LRRC4C: variants seen among roughly 807,000 people sequenced by gnomAD.
The protein encoded by LRRC4C is leucine-rich repeat-containing protein 4C.
A neutral mutation model predicts 33.6 loss-of-function variants in LRRC4C; 5 were observed. The observed-to-expected ratio is 0.15, with a 90% confidence interval of 0.08 to 0.31. The LOEUF (loss-of-function observed/expected upper bound fraction) is 0.31, where lower values mean the gene tolerates loss of function less well. LRRC4C is among the 10% of genes least tolerant of loss of function. The pLI is 1.00. For missense variants in LRRC4C, 560 were observed against 796.7 expected (o/e 0.70, Z 3.58); for synonymous variants, 329 against 302.0 (o/e 1.09, Z -0.93).
chr11:40,821,311 G>A (rs1257021088), intron 2 of LRRC4C, among the ~76,000 whole-genome samples: 2 of 151,480 alleles, frequency 1.3e-5, no homozygotes, highest in African/African-American at 4.8e-5. Flanking sequence ...AAATTTATAT[G>A]AAAATGAAAA....
chr11:40,372,389 C>T (rs781756485), intron 3 of LRRC4C, among the ~76,000 whole-genome samples: 13 of 152,140 alleles, frequency 8.5e-5, no homozygotes, highest in Non-Finnish European at 1.8e-4. Flanking sequence ...CAGAGAAGTA[C>T]ACAAACCTTC....
intron 4 of LRRC4C, among the ~76,000 whole-genome samples, chr11:40,287,013 T>G (rs1458816132): frequency 2.0e-5 from 3 of 152,180 alleles, no homozygotes; most frequent in Non-Finnish European, 4.4e-5. Flanking sequence ...TTTTTAATTT[T>G]GGGAATACTA....
chr11:40,337,769 C>A (rs531743965), intron 3 of LRRC4C, among the ~76,000 whole-genome samples: 2 of 152,242 alleles, frequency 1.3e-5, no homozygotes, highest in African/African-American at 2.4e-5. Flanking sequence ...CAGATTATTT[C>A]ATCACCAGGG....
At chr11:41,193,603 T>A (rs183453318) in intron 1 of LRRC4C, among the ~76,000 whole-genome samples, 34 of 152,182 alleles carry the variant, frequency 2.2e-4, no homozygotes, top group African/African-American at 7.9e-4. Flanking sequence ...ATGAAATGAG[T>A]GAAGGGTATC....
At chr11:40,998,333 A>G (rs1592295821) in intron 1 of LRRC4C, among the ~76,000 whole-genome samples, 1 of 152,206 alleles carries the variant, frequency 6.6e-6, no homozygotes, top group East Asian at 1.9e-4. Context: ...GTGAAATATC[A>G]TTATCTAATC....
At chr11:41,287,766 A>G (rs1402671592) in intron 1 of LRRC4C, among the ~76,000 whole-genome samples, 1 of 152,196 alleles carries the variant, frequency 6.6e-6, no homozygotes, top group Non-Finnish European at 1.5e-5. Context: ...TTTTGAGTCC[A>G]GTTGTGAGGC....
intron 2 of LRRC4C, among the ~76,000 whole-genome samples, chr11:40,870,439 C>T (rs1591949136): frequency 1.3e-5 from 2 of 152,198 alleles, no homozygotes; most frequent in Middle Eastern, 6.8e-3. Flanking sequence ...CTTTCTCATA[C>T]TAGAATCAGG....
chr11:41,289,434 T>C (rs1772089326), intron 1 of LRRC4C, among the ~76,000 whole-genome samples: 1 of 152,150 alleles, frequency 6.6e-6, no homozygotes, highest in South Asian at 2.1e-4. Context: ...AACATAACTG[T>C]ATTTGGAGAC....
chr11:40,824,185 T>G (rs1253768699), intron 2 of LRRC4C, among the ~76,000 whole-genome samples: 1 of 151,586 alleles, frequency 6.6e-6, no homozygotes, highest in Admixed American at 6.6e-5. Context: ...AATTTGGGGG[T>G]TGATTGAAAT....
At chr11:41,173,117 C>A (rs762731272) in intron 1 of LRRC4C, among the ~76,000 whole-genome samples, 1 of 152,130 alleles carries the variant, frequency 6.6e-6, no homozygotes, top group Non-Finnish European at 1.5e-5. Context: ...GTCTCCTGGA[C>A]ACCATTTTAA....
intron 3 of LRRC4C, among the ~76,000 whole-genome samples, chr11:40,609,359 T>TG (rs914413754): frequency 8.6e-5 from 13 of 151,958 alleles, no homozygotes; most frequent in African/African-American, 2.9e-4. Flanking sequence ...ATAAAAGACT[T>TG]TGAGACAAAT....
chr11:40,477,375 C>T (rs577015697), intron 3 of LRRC4C, among the ~76,000 whole-genome samples: 1 of 152,256 alleles, frequency 6.6e-6, no homozygotes, highest in Non-Finnish European at 1.5e-5. Context: ...GTTACTTCCT[C>T]TCTGTAAGAA....
chr11:40,768,976 C>T (rs899486430), intron 2 of LRRC4C, among the ~76,000 whole-genome samples: 2 of 151,848 alleles, frequency 1.3e-5, no homozygotes, highest in Non-Finnish European at 2.9e-5. Flanking sequence ...ACTATTAGTC[C>T]CAGCTAGTGT....
chr11:40,694,077 C>A (rs1305844105), intron 2 of LRRC4C, among the ~76,000 whole-genome samples: 1 of 152,116 alleles, frequency 6.6e-6, no homozygotes, highest in East Asian at 1.9e-4. Flanking sequence ...AGCTCTGTTA[C>A]CTTCTGAAGC....
At chr11:40,685,427 G>A (rs972804688) in intron 2 of LRRC4C, among the ~76,000 whole-genome samples, 3 of 151,894 alleles carry the variant, frequency 2.0e-5, no homozygotes, top group African/African-American at 7.2e-5. Context: ...AAAATAAAAT[G>A]TGATAATCAG....
chr11:41,353,559 G>C (rs1952055608), intron 1 of LRRC4C, among the ~76,000 whole-genome samples: 1 of 151,892 alleles, frequency 6.6e-6, no homozygotes, highest in African/African-American at 2.4e-5. Flanking sequence ...ACCTGGAAGT[G>C]ATAGAATTAA....
chr11:40,282,688 T>C (rs1395059202), intron 4 of LRRC4C, among the ~76,000 whole-genome samples: 1 of 152,178 alleles, frequency 6.6e-6, no homozygotes, highest in South Asian at 2.1e-4. Context: ...CTCTTCAAAA[T>C]TGCAAGATAA....
At chr11:40,333,685 C>G (rs564312850) in intron 3 of LRRC4C, among the ~76,000 whole-genome samples, 2 of 145,964 alleles carry the variant, frequency 1.4e-5, no homozygotes, top group Admixed American at 1.4e-4. Flanking sequence ...CCATTGCACT[C>G]CAGCCAGTGG....
At chr11:40,554,911 C>A (rs1012520227) in intron 3 of LRRC4C, among the ~76,000 whole-genome samples, 1 of 147,092 alleles carries the variant, frequency 6.8e-6, no homozygotes. Context: ...TTAGTAGAGA[C>A]GGGGTTTCAC....
Sources: allele counts gnomAD v4.1 joint callset (sites outside exome capture counted in the v4.1 genomes callset), GRCh38; gene constraint gnomAD v4.1.1; transcripts MANE v1.5; gene names NCBI Gene and HGNC (gene_info 2026-07-23, HGNC 2026-07-21).